Variants in NBAS observed in about 807,000 individuals in gnomAD.
NBAS encodes NBAS subunit of NRZ tethering complex.
Under a neutral mutation model 302.5 loss-of-function variants are expected in NBAS, and 219 were observed. That is an observed-to-expected ratio of 0.72 (90% CI 0.65 to 0.81). The LOEUF is 0.81. Among genes scored for constraint, NBAS ranks in the 30% least tolerant of loss-of-function variants. NBAS has a pLI of 0.00. For missense variants in NBAS, 2,932 were observed against 2,841.6 expected (o/e 1.03, Z -0.72); for synonymous variants, 1,118 against 1,021.6 (o/e 1.09, Z -1.80).
chr2:15,338,204 A>C (rs541975227), intron 35 of NBAS, among the ~76,000 whole-genome samples: 1 of 152,304 alleles, frequency 6.6e-6, no homozygotes, highest in Non-Finnish European at 1.5e-5. Context: ...ACTTTCTCCC[A>C]TGTCTGGCAA....
intron 31 of NBAS, 130 bp downstream of exon 31, chr2:15,374,478 C>G: frequency 1.3e-6 from 1 of 776,914 alleles, no homozygotes; most frequent in Non-Finnish European, 2.2e-6. Flanking sequence ...AATAATGGGT[C>G]AAGGGCAGGA....
chr2:15,374,449 C>G (rs1674635902), intron 31 of NBAS, among the ~76,000 whole-genome samples, 159 bp downstream of exon 31: 1 of 151,894 alleles, frequency 6.6e-6, no homozygotes, highest in Non-Finnish European at 1.5e-5. Context: ...TTTGGGTTTC[C>G]ACTTGAGATT....
chr2:15,011,108 A>G, the NBAS span, among the ~76,000 whole-genome samples: 1 of 152,220 alleles, frequency 6.6e-6, no homozygotes, highest in Non-Finnish European at 1.5e-5. Flanking sequence ...ACCTTGATAT[A>G]TGAATAAAGG....
chr2:14,951,120 A>T, the NBAS span, among the ~76,000 whole-genome samples: 36 of 152,316 alleles, frequency 2.4e-4, no homozygotes, highest in African/African-American at 7.9e-4. Context: ...TTAGATTTAT[A>T]CCACTTTGCC....
chr2:15,228,468 G>A (rs1288772296), intron 47 of NBAS, among the ~76,000 whole-genome samples: 1 of 152,166 alleles, frequency 6.6e-6, no homozygotes, highest in Admixed American at 6.5e-5. Context: ...ACCATTTGAT[G>A]CAGCAATCCC....
Position 15,478,274 on chromosome 2 carries a change from G to A in NBAS, c.1099C>T (p.Leu367Phe), listed in dbSNP as rs370558312. ...GQNEQPGYDD[L>F]NPDWRLSTEK... ...GTAGAGAGCCTCCAATCAGGATTAA[G>A]GTCATCATAGCCTGGCTAAATATGA... is the stretch of plus-strand genomic sequence containing the variant. Residue 367 changes from leucine (L) to phenylalanine (F), a missense_variant, in exon 13 of 52, where the codon CTT (leucine) becomes TTT (phenylalanine). Physicochemically the swap from Leu to Phe is conservative, Grantham distance 22. Transcript: ENST00000281513. 1.7e-5 allele frequency: 27 copies of A among 1,611,126 alleles called. No homozygotes were observed. The highest frequency in any genetic ancestry group is 2.2e-5 in the Non-Finnish European group (26 of 1,177,574).
At chr2:14,848,353 T>C in the NBAS span, among the ~76,000 whole-genome samples, 1 of 140,420 alleles carries the variant, frequency 7.1e-6, no homozygotes, top group Non-Finnish European at 1.5e-5. Flanking sequence ...CCCACCCGAA[T>C]ATTGCGCTTT....
chr2:15,526,013 C>G (rs1047409007), intron 9 of NBAS, among the ~76,000 whole-genome samples: 2 of 151,958 alleles, frequency 1.3e-5, no homozygotes, highest in African/African-American at 4.8e-5. Flanking sequence ...AAGCACAGTA[C>G]CCACCGTGAG....
Position 15,520,444 on chromosome 2 carries a change from C to G in NBAS, c.747-9094G>C, listed in dbSNP as rs949799536. On this transcript the variant is annotated intron_variant, in intron 9 of 51. Coordinates refer to ENST00000281513, the MANE Select transcript of NBAS (RefSeq NM_015909.4). ...ACGAAAAAATCTACGAAGTTCAATACGCCTTACTTTCTACCTCCCAAACAG... is the reference window on the plus strand; with the variant it reads ...ACGAAAAAATCTACGAAGTTCAATAGGCCTTACTTTCTACCTCCCAAACAG... 5.4e-4 allele frequency among the ~76,000 whole-genome samples: 82 copies of G among 152,240 alleles called. No individual in the cohort carries two copies. In the Middle Eastern group the frequency reaches 0.017, roughly 32 times the overall value.
intron 34 of NBAS, among the ~76,000 whole-genome samples, chr2:15,352,929 C>T (rs1056285782): frequency 2.0e-5 from 3 of 152,102 alleles, no homozygotes; most frequent in African/African-American, 7.2e-5. Flanking sequence ...AACTGCCTGA[C>T]CCATCTGATG....
intron 41 of NBAS, among the ~76,000 whole-genome samples, chr2:15,288,818 CCAT>C (rs1236249751): frequency 1.3e-5 from 2 of 152,190 alleles, no homozygotes; most frequent in African/African-American, 4.8e-5. Flanking sequence ...GGAAACCATG[CCAT>C]TTATATGCTT....
the NBAS span, among the ~76,000 whole-genome samples, chr2:14,847,060 G>T: frequency 6.6e-6 from 1 of 152,044 alleles, no homozygotes; most frequent in South Asian, 2.1e-4. Flanking sequence ...ATAATCTGTT[G>T]CCTACAAGAA....
chr2:15,550,948 C>A (rs1239058948), intron 6 of NBAS, among the ~76,000 whole-genome samples: 3 of 152,106 alleles, frequency 2.0e-5, no homozygotes, highest in African/African-American at 4.8e-5. Flanking sequence ...TCATCTGACA[C>A]CCCCGATTAA....
the NBAS span, among the ~76,000 whole-genome samples, chr2:14,844,565 CT>C: frequency 6.6e-6 from 1 of 152,214 alleles, no homozygotes; most frequent in African/African-American, 2.4e-5. Flanking sequence ...GGTACCAGCT[CT>C]GCCACAGAGA....
At chr2:15,211,555 AC>A (rs1434714977) in intron 48 of NBAS, among the ~76,000 whole-genome samples, 1 of 152,200 alleles carries the variant, frequency 6.6e-6, no homozygotes, top group Non-Finnish European at 1.5e-5. Flanking sequence ...ACATTCACAT[AC>A]TTTTATTTTT....
the NBAS span, among the ~76,000 whole-genome samples, chr2:14,806,902 TGTTA>T: frequency 6.6e-6 from 1 of 152,224 alleles, no homozygotes; most frequent in African/African-American, 2.4e-5. Flanking sequence ...TTTCATTTTC[TGTTA>T]GTTGTCAGAC....
At chr2:15,096,774 C>G in the NBAS span, among the ~76,000 whole-genome samples, 7 of 152,172 alleles carry the variant, frequency 4.6e-5, no homozygotes, top group Non-Finnish European at 8.8e-5. Flanking sequence ...AGTCTCTGTT[C>G]TAGTTCCTGA....
rs1219303434 is a variant in NBAS at position 15,396,415 on chromosome 2, G to A, written c.3132C>T (p.Leu1044=). 4 of 1,603,950 alleles carry A rather than the reference G, an allele frequency of 2.5e-6. No homozygotes were observed. The highest frequency in any genetic ancestry group is 1.7e-5 in the Admixed American group (1 of 59,206). Residue 1044 remains leucine (L), a splice_region_variant and synonymous_variant, in exon 27 of 52, where the codon CTC becomes CTT. Transcript: ENST00000281513. ...AAAAAAACTGTCATTTTTCTCACCT[G>A]AGAATTTGTTCCAGTTGGTCTACCA... is the stretch of plus-strand genomic sequence containing the variant. ...HDMVDQLEQI[L]SVSELLEKHG...
intron 12 of NBAS, 126 bp downstream of exon 12, chr2:15,488,768 G>C: frequency 2.4e-6 from 3 of 1,237,308 alleles, no homozygotes; most frequent in Middle Eastern, 2.1e-4. Flanking sequence ...TAATTTAAAG[G>C]ATAGAAGAGC....
Sources: gnomAD v4.1 joint callset for allele counts (sites outside exome capture counted in the v4.1 genomes callset) on GRCh38, gnomAD v4.1.1 for gene constraint, MANE v1.5 for transcripts, NCBI Gene and HGNC (gene_info 2026-07-23, HGNC 2026-07-21) for gene names.